Variants in GABRG3 observed in about 807,000 individuals in gnomAD.
GABRG3 encodes the protein gamma-aminobutyric acid receptor subunit gamma-3.
A neutral mutation model predicts 48.8 loss-of-function variants in GABRG3; 25 were observed. The observed-to-expected ratio is 0.51, with a 90% CI of 0.37 to 0.72. The LOEUF is 0.72. Among genes scored for constraint, GABRG3 ranks in the 30% least tolerant of loss-of-function variants. The probability of loss-of-function intolerance (pLI) is 0.00; values close to 1 mark genes in which losing one functional copy is unlikely to be tolerated. For missense variants in GABRG3, 394 were observed against 577.9 expected, an observed-to-expected ratio of 0.68 and a Z score of 3.26; for synonymous variants, 227 against 217.6, an observed-to-expected ratio of 1.04 and a Z score of -0.38.
At chr15:27,130,452 T>C (rs1897897054) in intron 3 of GABRG3, among the ~76,000 whole-genome samples, 1 of 152,104 alleles carries the variant, frequency 6.6e-6, no homozygotes. Flanking sequence ...TGTAACTTTG[T>C]AGTAAGTTTT....
At position 27,313,664 on chromosome 15, in the gene GABRG3, A is replaced by G. The variant is rs138885695; in HGVS notation, c.271-13145A>G. On this transcript the variant is annotated intron_variant, in intron 3 of 9. Transcript: ENST00000615808. ...TCCAAACACAATGAAATGAAGTGAC[A>G]TCAGTAGCAGAAGGAAAATGTAAAA... Among the ~76,000 whole-genome samples the G allele has an allele frequency of 7.6e-3, 1,151 of 152,184 alleles. 23 individuals are homozygous for G. The highest frequency in any genetic ancestry group is 0.026 in the African/African-American group (1,070 of 41,562).
At position 27,265,882 on chromosome 15, in the gene GABRG3, G is replaced by GTTTTTTTTTTTTTTTTTTTTTTTTT. The variant is rs57522857; in HGVS notation, c.271-60912_271-60911insTTTTTTTTTTTTTTTTTTTTTTTTT. On this transcript the variant is annotated intron_variant, in intron 3 of 9. Coordinates refer to ENST00000615808, the MANE Select transcript of GABRG3 (RefSeq NM_033223.5). The stretch of plus-strand genomic sequence containing the variant: ...GCAAGGTCAAGAAGATTTTCTCCTG[G>GTTTTTTTTTTTTTTTTTTTTTTTTT]TTTTTTTTTTTTTTTGAGAGTGACC... Among the ~76,000 whole-genome samples the GTTTTTTTTTTTTTTTTTTTTTTTTT allele has an allele frequency of 2.2e-4, 28 of 127,584 alleles. 1 individual carries two copies. The highest frequency in any genetic ancestry group is 7.8e-4 in the African/African-American group (23 of 29,446). The allele number at this position is 127,584 out of a possible 152,430, so 83.7% of individuals were successfully genotyped here.
intron 5 of GABRG3, among the ~76,000 whole-genome samples, chr15:27,431,616 G>A (rs1015679317): frequency 2.0e-5 from 3 of 152,254 alleles, no homozygotes; most frequent in South Asian, 2.1e-4. Context: ...GAAGGATTCC[G>A]TTTTGCACCA....
chr15:26,990,896 C>T (rs1895235877), intron 2 of GABRG3, among the ~76,000 whole-genome samples: 1 of 151,358 alleles, frequency 6.6e-6, no homozygotes, highest in Non-Finnish European at 1.5e-5. Context: ...CCTCCGCCTC[C>T]TGGGTTCAAG....
chr15:27,139,954 A>T (rs1290021390), intron 3 of GABRG3, among the ~76,000 whole-genome samples: 1 of 152,090 alleles, frequency 6.6e-6, no homozygotes, highest in Non-Finnish European at 1.5e-5. Context: ...TTCCATAAAA[A>T]CCCAAAAGGA....
chr15:27,133,878 C>T (rs569799315), intron 3 of GABRG3, among the ~76,000 whole-genome samples: 4 of 152,248 alleles, frequency 2.6e-5, no homozygotes, highest in Admixed American at 2.6e-4. Flanking sequence ...TTCAACAAGA[C>T]CCACACACTT....
intron 3 of GABRG3, among the ~76,000 whole-genome samples, chr15:27,182,851 G>A (rs559096658): frequency 6.6e-6 from 1 of 152,180 alleles, no homozygotes; most frequent in Non-Finnish European, 1.5e-5. Context: ...ATGAGCTGCT[G>A]CTGGTGCAGG....
At chr15:27,498,590 G>C (rs1294435928) in intron 6 of GABRG3, among the ~76,000 whole-genome samples, 1 of 151,976 alleles carries the variant, frequency 6.6e-6, no homozygotes, top group East Asian at 1.9e-4. Flanking sequence ...CTGCCTCCCA[G>C]GTTCAAGCAA....
intron 5 of GABRG3, among the ~76,000 whole-genome samples, chr15:27,336,715 A>G (rs887234288): frequency 5.3e-5 from 8 of 152,224 alleles, no homozygotes; most frequent in South Asian, 2.1e-4. Flanking sequence ...CTATGTATAC[A>G]TATTCATAGT....
intron 3 of GABRG3, among the ~76,000 whole-genome samples, chr15:27,052,345 C>T (rs1896470168): frequency 2.0e-5 from 3 of 152,206 alleles, no homozygotes; most frequent in Non-Finnish European, 1.5e-5. Context: ...AGAAAGGACT[C>T]AGCCCTCAGG....
At position 27,328,116 on chromosome 15, in the gene GABRG3, C is replaced by CAA. The variant is rs555795538; in HGVS notation, c.492-680_492-679dup. Among the ~76,000 whole-genome samples the CAA allele has an allele frequency of 3.3e-5, 4 of 119,918 alleles. No homozygotes were observed. In the East Asian group the frequency reaches 7.3e-4, roughly 22 times the overall value. The allele number at this position is 119,918 out of a possible 152,430, so 78.7% of individuals were successfully genotyped here. On this transcript the variant is annotated intron_variant, in intron 4 of 9. Coordinates refer to ENST00000615808, the MANE Select transcript of GABRG3 (RefSeq NM_033223.5). Reference sequence around the variant, plus strand: ...AACAATTACAGCAAAAACAAACAAACAAAAAAAAAAACCAAAAAAAAAAAA... The same window carrying CAA: ...AACAATTACAGCAAAAACAAACAAACAAAAAAAAAAAAACCAAAAAAAAAAAA...
intron 5 of GABRG3, among the ~76,000 whole-genome samples, chr15:27,409,040 T>G (rs1887720085): frequency 1.3e-5 from 2 of 152,308 alleles, no homozygotes; most frequent in South Asian, 4.1e-4. Flanking sequence ...TCCTTTTTTT[T>G]TCTAAATATG....
chr15:27,394,482 T>C (rs1002961565), intron 5 of GABRG3, among the ~76,000 whole-genome samples: 3 of 152,072 alleles, frequency 2.0e-5, no homozygotes, highest in African/African-American at 7.2e-5. Flanking sequence ...AAGTAGAAAA[T>C]TGTTATTAAA....
At chr15:27,515,608 A>G (rs867099530) in intron 6 of GABRG3, among the ~76,000 whole-genome samples, 1 of 152,124 alleles carries the variant, frequency 6.6e-6, no homozygotes, top group Admixed American at 6.6e-5. Flanking sequence ...GGTTGGGAGG[A>G]TGGGCAAGAG....
At chr15:27,425,761 G>T (rs1314445282) in intron 5 of GABRG3, among the ~76,000 whole-genome samples, 5 of 152,218 alleles carry the variant, frequency 3.3e-5, no homozygotes, top group Non-Finnish European at 7.3e-5. Context: ...TCTCCTTGGA[G>T]AATGTAATTG....
chr15:27,101,744 G>A (rs889109457), intron 3 of GABRG3, among the ~76,000 whole-genome samples: 1 of 151,604 alleles, frequency 6.6e-6, no homozygotes, highest in Non-Finnish European at 1.5e-5. Context: ...CCTAGACCAG[G>A]GGTGTCCAAT....
At chr15:27,146,577 T>C (rs208165) in intron 3 of GABRG3, among the ~76,000 whole-genome samples, 79,391 of 151,982 alleles carry the variant, frequency 0.52, 21,239 homozygotes, top group Admixed American at 0.56. Context: ...AGCAGCTGCA[T>C]AAAGCAACAA....
chr15:27,220,136 T>A (rs2140440255), intron 3 of GABRG3, among the ~76,000 whole-genome samples: 1 of 152,256 alleles, frequency 6.6e-6, no homozygotes, highest in African/African-American at 2.4e-5. Flanking sequence ...CAAGAGTTTT[T>A]AAAGGCAGGG....
rs149319609 is a variant in GABRG3 at position 27,327,174 on chromosome 15, C to T, written c.491+145C>T. ...ACTACAGCATCCTGAGAAAGTCTGC[C>T]CTCATGCAACATGTGTAAAAATAAA... On this transcript the variant is annotated intron_variant, in intron 4 of 9. Coordinates refer to ENST00000615808, the MANE Select transcript of GABRG3 (RefSeq NM_033223.5). The T allele has an allele frequency of 3.3e-3, 2,278 of 686,292 alleles. 7 individuals are homozygous for T. The highest frequency in any genetic ancestry group is 4.0e-3 in the Non-Finnish European group (1,638 of 406,694). 42.5% of individuals were successfully genotyped at this position (686,292 alleles called of 1,614,324 possible). A position where few individuals can be genotyped will look rare whatever the true frequency, so the allele number is the denominator to read the frequency against.
Sources: allele counts gnomAD v4.1 joint callset (sites outside exome capture counted in the v4.1 genomes callset), GRCh38; gene constraint gnomAD v4.1.1; transcripts MANE v1.5; gene names NCBI Gene and HGNC (gene_info 2026-07-23, HGNC 2026-07-21).